TTC34: variants seen among roughly 807,000 people sequenced by gnomAD.
TTC34 encodes the protein tetratricopeptide repeat domain 34.
TTC34 carries 44 observed loss-of-function variants against 40.7 expected under a neutral mutation model. The observed-to-expected ratio is 1.08, with a 90% CI of 0.85 to 1.39. TTC34 has a LOEUF of 1.39. Ranked by LOEUF, TTC34 falls within the 40% of genes most tolerant of loss-of-function variation. The probability of loss-of-function intolerance (pLI) is 0.00; values close to 1 mark genes in which losing one functional copy is unlikely to be tolerated. For missense variants in TTC34, 884 were observed against 838.0 expected (o/e 1.05, Z -0.68); for synonymous variants, 422 against 398.6 (o/e 1.06, Z -0.70).
intron 6 of TTC34, among the ~76,000 whole-genome samples, chr1:2,694,195 G>GGGAGCA (rs1640756885): frequency 1.4e-5 from 2 of 141,482 alleles, no homozygotes; most frequent in Non-Finnish European, 3.1e-5. Flanking sequence ...ACACCCCCAG[G>GGGAGCA]TGAGCATGTG....
intron 6 of TTC34, among the ~76,000 whole-genome samples, chr1:2,692,463 C>T (rs1299902281): frequency 2.5e-5 from 3 of 121,542 alleles, no homozygotes; most frequent in Admixed American, 8.4e-5. Context: ...AGCACCCACA[C>T]CCCCAGGTGA....
At chr1:2,675,011 G>A (rs1458148392) in intron 6 of TTC34, among the ~76,000 whole-genome samples, 2 of 136,540 alleles carry the variant, frequency 1.5e-5, no homozygotes, top group Non-Finnish European at 3.2e-5. Context: ...ACCCAGGTGA[G>A]CATCTGATGG....
chr1:2,786,675 G>A (rs1643593860), intron 4 of TTC34, among the ~76,000 whole-genome samples: 1 of 152,184 alleles, frequency 6.6e-6, no homozygotes, highest in Non-Finnish European at 1.5e-5. Flanking sequence ...CAGGCGCCAG[G>A]GAGTCCTTCA....
intron 5 of TTC34, among the ~76,000 whole-genome samples, chr1:2,784,004 G>A (rs1192808341): frequency 6.6e-6 from 1 of 152,156 alleles, no homozygotes; most frequent in African/African-American, 2.4e-5. Flanking sequence ...GGGCTGCCGT[G>A]AGGAGGGGGC....
At chr1:2,759,577 C>T (rs1641623457) in intron 6 of TTC34, among the ~76,000 whole-genome samples, 1 of 151,962 alleles carries the variant, frequency 6.6e-6, no homozygotes, top group African/African-American at 2.4e-5. Context: ...GAGCATCGGA[C>T]AGCCTGGAAC....
intron 6 of TTC34, among the ~76,000 whole-genome samples, chr1:2,691,582 T>G (rs1343836006): frequency 1.6e-5 from 1 of 61,622 alleles, no homozygotes; most frequent in East Asian, 5.9e-4. Context: ...AGCACCCACA[T>G]GCCCAGGTGA....
chr1:2,787,638 C>G, exon 4 of TTC34: 1 of 1,549,912 alleles, frequency 6.5e-7, no homozygotes, highest in Non-Finnish European at 8.7e-7. Context: ...CGCCAGGAGG[C>G]GAGAGGCCTC....
At chr1:2,652,308 C>G (rs895986969) in intron 6 of TTC34, among the ~76,000 whole-genome samples, 2 of 145,256 alleles carry the variant, frequency 1.4e-5, no homozygotes, top group Admixed American at 7.2e-5. Flanking sequence ...ATCCGACAGC[C>G]TGGAGCAGCA....
At position 2,686,582 on chromosome 1, in the gene TTC34, G is replaced by A. The variant is rs558954779; in HGVS notation, c.2227-41019C>T. Among the ~76,000 whole-genome samples the A allele has an allele frequency of 2.8e-4, 38 of 135,192 alleles. 1 individual carries two copies. The highest frequency in any genetic ancestry group is 6.9e-4 in the African/African-American group (23 of 33,104). 88.7% of individuals were successfully genotyped at this position (135,192 alleles called of 152,430 possible). ...CACACACCCAGGTGAGCATCTGACC[G>A]CCTGGAACAGCACACACACCCCCAG... On this transcript the variant is annotated intron_variant, in intron 6 of 8. Transcript: ENST00000401095.
intron 6 of TTC34, among the ~76,000 whole-genome samples, chr1:2,688,007 C>G (rs1180939778): frequency 8.2e-6 from 1 of 121,424 alleles, no homozygotes; most frequent in Non-Finnish European, 1.7e-5. Context: ...GGACCCACAC[C>G]CCCAGGCGAG....
chr1:2,652,757 C>G (rs1371685083), intron 6 of TTC34, among the ~76,000 whole-genome samples: 1 of 146,874 alleles, frequency 6.8e-6, no homozygotes, highest in Non-Finnish European at 1.5e-5. Flanking sequence ...ACTGGAACAG[C>G]ACCCTGCACC....
intron 6 of TTC34, among the ~76,000 whole-genome samples, chr1:2,751,687 A>G (rs1229239488): frequency 1.1e-5 from 1 of 94,958 alleles, no homozygotes; most frequent in Non-Finnish European, 2.1e-5. Context: ...AGCACCCACA[A>G]CCCCAAGCGA....
At chr1:2,675,006 G>A (rs201788179) in intron 6 of TTC34, among the ~76,000 whole-genome samples, 1 of 136,460 alleles carries the variant, frequency 7.3e-6, no homozygotes, top group African/African-American at 2.7e-5. Flanking sequence ...CACACACCCA[G>A]GTGAGCATCT....
At chr1:2,692,463 C>G (rs1299902281) in intron 6 of TTC34, among the ~76,000 whole-genome samples, 2 of 121,614 alleles carry the variant, frequency 1.6e-5, no homozygotes, top group South Asian at 5.4e-4. Context: ...AGCACCCACA[C>G]CCCCAGGTGA....
At chr1:2,784,821 A>G (rs1305585428) in intron 5 of TTC34, among the ~76,000 whole-genome samples, 1 of 152,174 alleles carries the variant, frequency 6.6e-6, no homozygotes, top group Non-Finnish European at 1.5e-5. Flanking sequence ...TCTTTATTAT[A>G]CTGAAACAGT....
chr1:2,778,628 G>C (rs1157886703), intron 6 of TTC34, among the ~76,000 whole-genome samples: 2 of 152,228 alleles, frequency 1.3e-5, no homozygotes, highest in Non-Finnish European at 2.9e-5. Flanking sequence ...TCTGTGGGGG[G>C]AGACAGGCAG....
intron 6 of TTC34, among the ~76,000 whole-genome samples, chr1:2,767,332 G>A (rs1641796138): frequency 2.0e-5 from 1 of 49,702 alleles, no homozygotes; most frequent in Non-Finnish European, 3.7e-5. Context: ...CCCCAGGGGA[G>A]CATCTGACCG....
At chr1:2,641,132 G>A in exon 9 of TTC34, 1 of 296,500 alleles carries the variant, frequency 3.4e-6, no homozygotes, top group Non-Finnish European at 5.7e-6. Context: ...TGGGAAGGGG[G>A]AGGGCTGGGA....
intron 6 of TTC34, among the ~76,000 whole-genome samples, chr1:2,686,346 G>C (rs1461466469): frequency 3.1e-4 from 47 of 149,574 alleles, no homozygotes; most frequent in African/African-American, 9.6e-4. Flanking sequence ...CGACAGCCTG[G>C]AGCAGCACCC....
Sources: gnomAD v4.1 joint callset for allele counts (sites outside exome capture counted in the v4.1 genomes callset) on GRCh38, gnomAD v4.1.1 for gene constraint, MANE v1.5 for transcripts, NCBI Gene and HGNC (gene_info 2026-07-23, HGNC 2026-07-21) for gene names.